GBX2: variants seen among roughly 807,000 people sequenced by gnomAD.
GBX2 encodes the protein gastrulation brain homeobox 2.
GBX2 carries 5 observed loss-of-function variants against 22.4 expected under a neutral mutation model. The observed-to-expected ratio is 0.22, with a 90% CI of 0.12 to 0.47. GBX2 has a LOEUF of 0.47. GBX2 is among the 20% of genes least tolerant of loss of function. The pLI, the probability that GBX2 is intolerant of heterozygous loss-of-function variation, is 0.99. For missense variants in GBX2, 470 were observed against 495.4 expected (o/e 0.95, Z 0.49); for synonymous variants, 220 against 230.5 (o/e 0.95, Z 0.41).
chr2:236,162,036 C>T (rs2060215863), downstream of GBX2, among the ~76,000 whole-genome samples: 1 of 152,232 alleles, frequency 6.6e-6, no homozygotes, highest in Non-Finnish European at 1.5e-5. Flanking sequence ...GAGGGAGCAG[C>T]CTTGGAAGCC....
downstream of GBX2, among the ~76,000 whole-genome samples, chr2:236,163,206 C>T (rs961260884): frequency 6.6e-5 from 10 of 152,042 alleles, no homozygotes; most frequent in African/African-American, 1.9e-4. Context: ...TCCCCTCGGC[C>T]TGTCTCCCGG....
rs1351561443 is a variant in GBX2, at chr2:236,166,337, G to C, written c.624C>G (p.Ser208Arg). The change falls in exon 2 of 2, where the codon AGC becomes AGG. Residue 208 changes from serine (S) to arginine (R), a missense_variant. Physicochemically the swap from Ser to Arg is moderately radical, Grantham distance 110. Coordinates refer to ENST00000306318, the MANE Select transcript of GBX2 (RefSeq NM_001485.4). This position sits in a 1 kb window ranked among gnomAD's most constrained non-coding sequence, Gnocchi z 6.6. ...SFSLESDVDY[S>R]SDDNLTGQAA... Reference sequence around the variant, plus strand: ...CCTGGCCAGTCAGATTGTCATCCGAGCTGTAGTCCACATCGCTCTCCAGCG... The same window carrying C: ...CCTGGCCAGTCAGATTGTCATCCGACCTGTAGTCCACATCGCTCTCCAGCG... 5 of 1,614,066 alleles carry C rather than the reference G, an allele frequency of 3.1e-6. No individual in the cohort carries two copies. The highest frequency in any genetic ancestry group is 4.2e-6 in the Non-Finnish European group (5 of 1,180,036).
In GBX2 at chr2:236,166,388, G is replaced by A. The variant is rs113549935; in HGVS notation, c.573C>T (p.Asp191=). 22,387 of 1,613,978 alleles carry A rather than the reference G, an allele frequency of 0.014. 198 individuals are homozygous for A. The highest frequency in any genetic ancestry group is 0.017 in the Non-Finnish European group (19,622 of 1,179,994). Residue 191 remains aspartate (D), a synonymous_variant, in exon 2 of 2, where the codon GAC becomes GAT. Coordinates refer to ENST00000306318, the MANE Select transcript of GBX2 (RefSeq NM_001485.4). This position sits in a 1 kb window ranked among gnomAD's most constrained non-coding sequence, Gnocchi z 6.6. ...QGKDESKVED[D]PKGKEESFSL... is the part of the protein sequence containing the mutation. ...AGAAGCTCTCCTCCTTGCCCTTCGG[G>A]TCGTCTTCCACCTTTGACTCGTCTT...
intron 1 of GBX2, 32 bp downstream of exon 1, chr2:236,167,417 C>T: frequency 6.8e-7 from 1 of 1,469,568 alleles, no homozygotes; most frequent in Non-Finnish European, 8.9e-7. Flanking sequence ...CCTCCCGCCC[C>T]CTCGTCCCGG....
downstream of GBX2, among the ~76,000 whole-genome samples, chr2:236,162,897 C>G (rs1438202171): frequency 6.6e-6 from 1 of 152,136 alleles, no homozygotes; most frequent in South Asian, 2.1e-4. Flanking sequence ...ATTCTTCAGG[C>G]CCCCCCATCA....
chr2:236,167,155 CGCG>C, intron 1 of GBX2: 1 of 1,535,626 alleles, frequency 6.5e-7, no homozygotes, highest in Non-Finnish European at 8.7e-7. Context: ...CCCAGGTCAC[CGCG>C]GAGCGGCAGA....
Position 236,165,832 on chromosome 2 carries a change from A to C in GBX2, c.*82T>G. ...AGCTGGGCTGTGACTTTGTTGCTTC[A>C]AACACAGTGGAGTCCACCATGGGTT... On this transcript the variant is annotated 3_prime_UTR_variant, in exon 2 of 2. Coordinates refer to ENST00000306318, the MANE Select transcript of GBX2 (RefSeq NM_001485.4). The C allele has an allele frequency of 8.7e-7, 1 of 1,144,116 alleles. No individual in the cohort carries two copies. The highest frequency in any genetic ancestry group is 1.3e-6 in the Non-Finnish European group (1 of 794,302). The allele number at this position is 1,144,116 out of a possible 1,614,324, so 70.9% of individuals were successfully genotyped here. A position where few individuals can be genotyped will look rare whatever the true frequency, so the allele number is the denominator to read the frequency against.
downstream of GBX2, chr2:236,165,142 G>A (rs1452798487): frequency 1.3e-5 from 2 of 152,142 alleles, no homozygotes; most frequent in Non-Finnish European, 2.9e-5. Flanking sequence ...TTCAGGGGAC[G>A]TTTCTCCAGT....
At chr2:236,161,640 G>T (rs543436634), downstream of GBX2, among the ~76,000 whole-genome samples, 56 of 152,324 alleles carry the variant, frequency 3.7e-4, no homozygotes, top group Admixed American at 2.0e-4. Context: ...AGGACCCAGC[G>T]GCCAGAAGGT....
chr2:236,167,483 G>C lies in GBX2; in HGVS notation c.489C>G (p.Ala163=). The change falls in exon 1 of 2, where the codon GCC becomes GCG. Residue 163 remains alanine (A), a synonymous_variant. Coordinates refer to ENST00000306318, the MANE Select transcript of GBX2 (RefSeq NM_001485.4). ...GFLAKEGSLL[A]FSAAETVQAS... is the part of the protein sequence containing the mutation. Reference sequence around the variant, plus strand: ...CCTGCACCGTCTCGGCCGCGGAGAAGGCGAGCAGCGAGCCCTCTTTGGCCA... The same window carrying C: ...CCTGCACCGTCTCGGCCGCGGAGAACGCGAGCAGCGAGCCCTCTTTGGCCA... 6.3e-7 allele frequency: 1 copy of C among 1,585,966 alleles called. No individual in the cohort carries two copies. The highest frequency in any genetic ancestry group is 1.4e-5 in the African/African-American group (1 of 72,088).
At chr2:236,164,985 A>G (rs1255512902), downstream of GBX2, among the ~76,000 whole-genome samples, 2 of 152,190 alleles carry the variant, frequency 1.3e-5, no homozygotes, top group Non-Finnish European at 2.9e-5. Flanking sequence ...CTAGGTATCG[A>G]TTAGGCTGTG....
At position 236,166,367 on chromosome 2, in the gene GBX2, G is replaced by A. The variant is rs766357404; in HGVS notation, c.594C>T (p.Ser198=). The change falls in exon 2 of 2, where the codon AGC becomes AGT. Residue 198 remains serine, a synonymous_variant. Transcript: ENST00000306318. The surrounding 1 kb of genome is among the most constrained non-coding windows in gnomAD (Gnocchi z 6.6). ...AGTCCACATCGCTCTCCAGCGAGAA[G>A]CTCTCCTCCTTGCCCTTCGGGTCGT... is the stretch of plus-strand genomic sequence containing the variant. ...VEDDPKGKEE[S]FSLESDVDYS... The A allele has an allele frequency of 9.9e-6, 16 of 1,613,950 alleles. No individual in the cohort carries two copies. Among genetic ancestry groups the A allele is most frequent in the Non-Finnish European group, 1.3e-5 (15 of 1,180,030 alleles).
Position 236,167,552 on chromosome 2 carries a change from C to T in GBX2, c.420G>A (p.Lys140=), listed in dbSNP as rs777107943. 2.5e-6 allele frequency: 4 copies of T among 1,599,208 alleles called. No individual in the cohort carries two copies. In the African/African-American group the frequency reaches 5.4e-5, roughly 22 times the overall value. ...CCGCGTCAGCCTGCAGCGCCTCCGC[C>T]TTGTCGAAGTTACCGCCGCCGGGCA... ...QPLPGGGNFD[K]AEALQADAED... is the part of the protein sequence containing the mutation. Residue 140 remains lysine, a synonymous_variant, in exon 1 of 2, where the codon AAG becomes AAA. Transcript: ENST00000306318.
chr2:236,167,158 G>A (rs1308957725), intron 1 of GBX2: 1 of 1,535,598 alleles, frequency 6.5e-7, no homozygotes, highest in East Asian at 2.4e-5. Flanking sequence ...AGGTCACCGC[G>A]GAGCGGCAGA....
rs1459387038 is a variant in GBX2 at position 236,168,090 on chromosome 2, C to G, written c.-119G>C. ...CGCCGGGCAGGGGCCGAGCGGGACCCGGAGAGCAGACGCCTCCGCCCCTCA... is the reference window on the plus strand; with the variant it reads ...CGCCGGGCAGGGGCCGAGCGGGACCGGGAGAGCAGACGCCTCCGCCCCTCA... On this transcript the variant is annotated 5_prime_UTR_variant, in exon 1 of 2. Transcript: ENST00000306318. 5 of 1,135,144 alleles carry G rather than the reference C, an allele frequency of 4.4e-6. No individual in the cohort carries two copies. The African/African-American group carries it at 6.6e-5, about 15-fold the overall frequency. 70.3% of individuals were successfully genotyped at this position (1,135,144 alleles called of 1,614,324 possible).
chr2:236,162,039 T>C (rs2060215869), downstream of GBX2, among the ~76,000 whole-genome samples: 1 of 152,228 alleles, frequency 6.6e-6, no homozygotes, highest in African/African-American at 2.4e-5. Context: ...GGAGCAGCCT[T>C]GGAAGCCCTG....
In GBX2 at chr2:236,167,691, A is replaced by G; in HGVS notation, c.281T>C (p.Leu94Pro). ...PSLPTGFCSS[L>P]AQGMALTSTL... ...AGAGGTGAGCGCCATGCCCTGCGCCAGGCTGGAGCAGAAGCCTGTGGGCAG... is the reference window on the plus strand; with the variant it reads ...AGAGGTGAGCGCCATGCCCTGCGCCGGGCTGGAGCAGAAGCCTGTGGGCAG... The change falls in exon 1 of 2, where the codon CTG (leucine) becomes CCG (proline). Residue 94 changes from leucine to proline, a missense_variant. Physicochemically the swap from Leu to Pro is moderately conservative, Grantham distance 98 (BLOSUM62 -3). Coordinates refer to ENST00000306318, the MANE Select transcript of GBX2 (RefSeq NM_001485.4). The G allele has an allele frequency of 6.3e-7, 1 of 1,577,980 alleles. No homozygotes were observed. The highest frequency in any genetic ancestry group is 8.6e-7 in the Non-Finnish European group (1 of 1,166,278).
At position 236,165,885 on chromosome 2, in the gene GBX2, G is replaced by A. The variant is rs745443367; in HGVS notation, c.*29C>T. 1.3e-6 allele frequency: 2 copies of A among 1,555,786 alleles called. No homozygotes were observed. Among genetic ancestry groups the A allele is most frequent in the East Asian group, 2.3e-5 (1 of 44,334 alleles). On this transcript the variant is annotated 3_prime_UTR_variant, in exon 2 of 2. Coordinates refer to ENST00000306318, the MANE Select transcript of GBX2 (RefSeq NM_001485.4). Reference sequence around the variant, plus strand: ...CTCGGGTGCGGGGGCTTCTCCAGGTGGGTGCCAGGCCCTGGCCCTTCTGGA... The same window carrying A: ...CTCGGGTGCGGGGGCTTCTCCAGGTAGGTGCCAGGCCCTGGCCCTTCTGGA...
At position 236,166,699 on chromosome 2, in the gene GBX2, C is replaced by A. The variant is rs1448921111; in HGVS notation, c.524-262G>T. ...CATCACTCAAAGGGCCGCCATGCCTCCCCCGCACCCTCCCAGCCTCGGCAG... is the reference window on the plus strand; with the variant it reads ...CATCACTCAAAGGGCCGCCATGCCTACCCCGCACCCTCCCAGCCTCGGCAG... On this transcript the variant is annotated intron_variant, in intron 1 of 1. Coordinates refer to ENST00000306318, the MANE Select transcript of GBX2 (RefSeq NM_001485.4). This position sits in a 1 kb window ranked among gnomAD's most constrained non-coding sequence, Gnocchi z 6.6. Among the ~76,000 whole-genome samples the A allele has an allele frequency of 6.6e-6, 1 of 152,064 alleles. No individual in the cohort carries two copies. The highest frequency in any genetic ancestry group is 1.9e-4 in the East Asian group (1 of 5,158).
Sources: gnomAD v4.1 joint callset for allele counts (sites outside exome capture counted in the v4.1 genomes callset) on GRCh38, gnomAD v4.1.1 for gene constraint, Gnocchi (gnomAD v3.1) non-coding constraint, MANE v1.5 for transcripts, NCBI Gene and HGNC (gene_info 2026-07-23, HGNC 2026-07-21) for gene names.